Variants in DYRK1A observed in about 807,000 individuals in gnomAD.
The protein encoded by DYRK1A is dual specificity tyrosine-phosphorylation-regulated kinase 1A.
In DYRK1A, 9 loss-of-function variants were observed where a neutral mutation model predicts 79.7. The observed-to-expected ratio is 0.11, with a 90% CI of 0.07 to 0.20. DYRK1A has a LOEUF of 0.20. Ranked by LOEUF, DYRK1A falls within the 10% of genes least tolerant of loss-of-function variation. The pLI, the probability that DYRK1A is intolerant of heterozygous loss-of-function variation, is 1.00. For synonymous variants in DYRK1A, 349 were observed against 329.7 expected (o/e 1.06, Z -0.63); for missense variants, 622 against 956.0 (o/e 0.65, Z 4.61).
intron 6 of DYRK1A, among the ~76,000 whole-genome samples, chr21:37,489,089 T>C (rs2052982447): frequency 6.6e-6 from 1 of 152,182 alleles, no homozygotes; most frequent in African/African-American, 2.4e-5. Flanking sequence ...TGTTCACTGC[T>C]TTGAGGCAGG....
chr21:37,422,267 C>T (rs1222168081), intron 2 of DYRK1A, among the ~76,000 whole-genome samples: 2 of 152,082 alleles, frequency 1.3e-5, no homozygotes, highest in Non-Finnish European at 2.9e-5. Flanking sequence ...TATTCCCTTT[C>T]TAATAGTTTG....
At position 37,519,404 on chromosome 21, in the gene DYRK1A, T is replaced by C. The variant is rs993035596; in HGVS notation, c.*6873T>C. 3 of 152,220 alleles carry C rather than the reference T, an allele frequency of 2.0e-5. No homozygotes were observed. The highest frequency in any genetic ancestry group is 7.2e-5 in the African/African-American group (3 of 41,448). The allele number at this position is 152,220 out of a possible 1,614,324, so 9.4% of individuals were successfully genotyped here. A position where few individuals can be genotyped will look rare whatever the true frequency, so the allele number is the denominator to read the frequency against. On this transcript the variant is annotated 3_prime_UTR_variant, in exon 12 of 12. Transcript: ENST00000647188. ...CTTTGTACAATGGAGATACCTATAG[T>C]GTCCACTTAGGAGATGCTGTGCATG...
intron 1 of DYRK1A, among the ~76,000 whole-genome samples, chr21:37,372,608 C>T (rs569328876): frequency 6.6e-6 from 1 of 152,232 alleles, no homozygotes; most frequent in East Asian, 1.9e-4. Flanking sequence ...TCAACAGGTT[C>T]TGTTGGCTGT....
intron 7 of DYRK1A, 149 bp from the exon 8 acceptor site, chr21:37,492,868 A>G (rs2053142119): frequency 3.5e-6 from 2 of 569,770 alleles, no homozygotes; most frequent in Non-Finnish European, 6.1e-6. Context: ...TTTAAGCCGT[A>G]TTCGTAGTCT....
At chr21:37,397,770 C>A (rs141455437) in intron 1 of DYRK1A, among the ~76,000 whole-genome samples, 2 of 152,042 alleles carry the variant, frequency 1.3e-5, no homozygotes, top group Non-Finnish European at 2.9e-5. Context: ...TAACAAGCCC[C>A]TCAGGGTGAT....
At chr21:37,483,505 T>G (rs2052733365) in intron 5 of DYRK1A, among the ~76,000 whole-genome samples, 1 of 152,218 alleles carries the variant, frequency 6.6e-6, no homozygotes, top group South Asian at 2.1e-4. Flanking sequence ...TCCAGGGACT[T>G]TTTCCTTGAA....
At position 37,490,291 on chromosome 21, in the gene DYRK1A, C is replaced by G; in HGVS notation, c.754C>G (p.Leu252Val). ...CAATTTCCGAGGGGTCTCTTTGAAC[C>G]TAACACGAAAGTTTGCGCAACAGAT... ...NTNFRGVSLN[L>V]TRKFAQQMCT... The change falls in exon 7 of 12, where the codon CTA (leucine) becomes GTA (valine). Residue 252 changes from leucine (L) to valine (V), a missense_variant. Transcript: ENST00000647188. 6.2e-7 allele frequency: 1 copy of G among 1,613,838 alleles called. No homozygotes were observed. The highest frequency in any genetic ancestry group is 8.5e-7 in the Non-Finnish European group (1 of 1,179,790).
At chr21:37,469,836 C>CA (rs2148549133) in intron 2 of DYRK1A, among the ~76,000 whole-genome samples, 2 of 152,290 alleles carry the variant, frequency 1.3e-5, no homozygotes, top group South Asian at 4.1e-4. Context: ...GAGAATTAGG[C>CA]AGGGACACAG....
chr21:37,482,485 C>T (rs2052684282), intron 5 of DYRK1A, among the ~76,000 whole-genome samples: 1 of 152,076 alleles, frequency 6.6e-6, no homozygotes, highest in Non-Finnish European at 1.5e-5. Context: ...GTGTGGGTCA[C>T]AGAGATCACA....
At chr21:37,372,323 C>G (rs978963694) in intron 1 of DYRK1A, among the ~76,000 whole-genome samples, 3 of 151,212 alleles carry the variant, frequency 2.0e-5, no homozygotes, top group Non-Finnish European at 2.9e-5. Flanking sequence ...TTAGTGCCAC[C>G]TGTAGTCCAG....
rs891126350 is a variant in DYRK1A, at chr21:37,516,616, G to A, written c.*4085G>A. 5.9e-5 allele frequency: 9 copies of A among 152,162 alleles called. No homozygotes were observed. The highest frequency in any genetic ancestry group is 9.7e-5 in the African/African-American group (4 of 41,434). 9.4% of individuals were successfully genotyped at this position (152,162 alleles called of 1,614,324 possible). A position where few individuals can be genotyped will look rare whatever the true frequency, so the allele number is the denominator to read the frequency against. ...TCACCCTGGACCAGGAATTTTTGAC[G>A]TATGCCTGTGTTGAAGGCACTGGAT... On this transcript the variant is annotated 3_prime_UTR_variant, in exon 12 of 12. Transcript: ENST00000647188.
In DYRK1A at chr21:37,486,624, C is replaced by A. The variant is rs775642525; in HGVS notation, c.637+10C>A. 6 of 1,537,364 alleles carry A rather than the reference C, an allele frequency of 3.9e-6. No homozygotes were observed. The highest frequency in any genetic ancestry group is 1.7e-4 in the Middle Eastern group (1 of 5,822). On this transcript the variant is annotated intron_variant, in intron 6 of 11. Transcript: ENST00000647188. ...ATGAAATACTACATAGGTAAACAAA[C>A]AGGCAAACAGCGCAGTGTGCCCCAA... is the stretch of plus-strand genomic sequence containing the variant.
At chr21:37,471,401 CA>C (rs2052219623) in intron 2 of DYRK1A, among the ~76,000 whole-genome samples, 1 of 152,186 alleles carries the variant, frequency 6.6e-6, no homozygotes, top group Non-Finnish European at 1.5e-5. Flanking sequence ...CTTTGTTTTG[CA>C]GAGTGTGTGC....
chr21:37,513,289 C>T lies in DYRK1A; in HGVS notation c.*758C>T, dbSNP rs1248146555. Reference sequence around the variant, plus strand: ...TGACTGGTCTCCTAACCAAGGTGCACTGAGAAGCAATCAACGGGTCGGTCG... The same window carrying T: ...TGACTGGTCTCCTAACCAAGGTGCATTGAGAAGCAATCAACGGGTCGGTCG... On this transcript the variant is annotated 3_prime_UTR_variant, in exon 12 of 12. Coordinates refer to ENST00000647188, the MANE Select transcript of DYRK1A (RefSeq NM_001347721.2). 1 of 152,744 alleles carries T rather than the reference C, an allele frequency of 6.5e-6. No individual in the cohort carries two copies. Among genetic ancestry groups the T allele is most frequent in the Non-Finnish European group, 1.5e-5 (1 of 68,146 alleles). The allele number at this position is 152,744 out of a possible 1,614,324, so 9.5% of individuals were successfully genotyped here. A position where few individuals can be genotyped will look rare whatever the true frequency, so the allele number is the denominator to read the frequency against.
intron 2 of DYRK1A, among the ~76,000 whole-genome samples, chr21:37,454,652 A>G (rs2051575193): frequency 6.6e-6 from 1 of 152,198 alleles, no homozygotes; most frequent in Admixed American, 6.5e-5. Context: ...AATGGAAAAC[A>G]CCACCTTTCT....
At chr21:37,490,539 C>T (rs1346718499) in intron 7 of DYRK1A, 78 bp downstream of exon 7, 14 of 1,249,440 alleles carry the variant, frequency 1.1e-5, no homozygotes, top group South Asian at 6.2e-5. Context: ...ATTAGGTTGG[C>T]GCAAAAGTAA....
intron 1 of DYRK1A, among the ~76,000 whole-genome samples, chr21:37,406,051 C>T (rs1028035115): frequency 6.6e-6 from 1 of 150,870 alleles, no homozygotes; most frequent in Non-Finnish European, 1.5e-5. Flanking sequence ...ATATTTATTT[C>T]TTAAAAATTT....
At position 37,445,791 on chromosome 21, in the gene DYRK1A, G is replaced by A. The variant is rs372901247; in HGVS notation, c.10+25407G>A. Among the ~76,000 whole-genome samples the A allele has an allele frequency of 1.4e-4, 22 of 152,192 alleles. No individual in the cohort carries two copies. The South Asian group carries it at 4.1e-3, about 29-fold the overall frequency. ...ATAAAAGAGTAGTCATTTGTAATCA[G>A]ATGCCAAGAAAAAGTTGGGAATTTT... On this transcript the variant is annotated intron_variant, in intron 2 of 11. Transcript: ENST00000647188.
chr21:37,428,667 G>C (rs865951932), intron 2 of DYRK1A, among the ~76,000 whole-genome samples: 10 of 151,974 alleles, frequency 6.6e-5, no homozygotes, highest in Non-Finnish European at 7.4e-5. Flanking sequence ...TTTGTTTTTT[G>C]TATTTTTAGA....
Sources: gnomAD v4.1 joint callset for allele counts (sites outside exome capture counted in the v4.1 genomes callset) on GRCh38, gnomAD v4.1.1 for gene constraint, MANE v1.5 for transcripts, NCBI Gene and HGNC (gene_info 2026-07-23, HGNC 2026-07-21) for gene names.